GRIK4: variants seen among roughly 807,000 people sequenced by gnomAD.
GRIK4 encodes glutamate ionotropic receptor kainate type subunit 4, also known as glutamate receptor ionotropic, kainate 4.
In GRIK4, 40 loss-of-function variants were observed where a neutral mutation model predicts 104.9. The observed-to-expected ratio is 0.38, with a 90% confidence interval of 0.30 to 0.50. The LOEUF is 0.50. Among genes scored for constraint, GRIK4 ranks in the 20% least tolerant of loss-of-function variants. The pLI is 0.93. For synonymous variants in GRIK4, 485 were observed against 524.9 expected (o/e 0.92, Z 1.04); for missense variants, 1,047 against 1,308.1 (o/e 0.80, Z 3.08).
At chr11:120,580,537 G>A (rs1383941102) in intron 1 of GRIK4, among the ~76,000 whole-genome samples, 1 of 150,714 alleles carries the variant, frequency 6.6e-6, no homozygotes, top group East Asian at 1.9e-4. Context: ...AAAGTGCTGG[G>A]ATTACAGGTG....
At chr11:120,972,429 G>A (rs1401099480) in intron 19 of GRIK4, among the ~76,000 whole-genome samples, 11 of 152,192 alleles carry the variant, frequency 7.2e-5, no homozygotes, top group African/African-American at 1.9e-4. Context: ...CTTGGAGAGC[G>A]AGGTTTTTGA....
intron 2 of GRIK4, among the ~76,000 whole-genome samples, chr11:120,658,772 G>A (rs1298930431): frequency 1.9e-5 from 2 of 103,036 alleles, no homozygotes; most frequent in African/African-American, 7.4e-5. Context: ...TTTTTGAGAC[G>A]GAGTCTCGCT....
In GRIK4 at chr11:120,707,306, C is replaced by T. The variant is rs191647458; in HGVS notation, c.82+46906C>T. 7.2e-3 allele frequency among the ~76,000 whole-genome samples: 1,090 copies of T among 152,288 alleles called. 18 individuals are homozygous for T. The highest frequency in any genetic ancestry group is 0.025 in the African/African-American group (1,025 of 41,564). Reference sequence around the variant, plus strand: ...ACTGGCTGAGACTCACACTTGTGGCCGCCAGTCTGCCAGGCACAGCCAGTC... The same window carrying T: ...ACTGGCTGAGACTCACACTTGTGGCTGCCAGTCTGCCAGGCACAGCCAGTC... On this transcript the variant is annotated intron_variant, in intron 3 of 20. Transcript: ENST00000527524.
chr11:120,594,266 C>A (rs1248069515), intron 1 of GRIK4, among the ~76,000 whole-genome samples: 1 of 152,182 alleles, frequency 6.6e-6, no homozygotes, highest in East Asian at 1.9e-4. Flanking sequence ...TTGCTTGAAC[C>A]TAGGAGTTGA....
chr11:120,795,509 G>T (rs549805547), intron 3 of GRIK4, among the ~76,000 whole-genome samples: 6 of 152,220 alleles, frequency 3.9e-5, no homozygotes, highest in Non-Finnish European at 7.3e-5. Flanking sequence ...AAGACAAGCG[G>T]CCTTGAATTA....
At chr11:120,530,172 C>T (rs1490549947) in intron 1 of GRIK4, among the ~76,000 whole-genome samples, 1 of 152,216 alleles carries the variant, frequency 6.6e-6, no homozygotes, top group Non-Finnish European at 1.5e-5. Context: ...GCCCTGTGGT[C>T]CCAGGACATG....
In GRIK4 at chr11:120,905,188, C is replaced by T; in HGVS notation, c.1273-102C>T. Reference sequence around the variant, plus strand: ...ACCCACGTCAGTTTCCTCCTTCTGCCCCATGTCCTCCCCGACCCTCTGTGC... The same window carrying T: ...ACCCACGTCAGTTTCCTCCTTCTGCTCCATGTCCTCCCCGACCCTCTGTGC... On this transcript the variant is annotated intron_variant, in intron 12 of 20. Transcript: ENST00000527524. The surrounding 1 kb of genome is among the most constrained non-coding windows in gnomAD (Gnocchi z 5.1). The T allele has an allele frequency of 2.4e-6, 2 of 830,030 alleles. No homozygotes were observed. The highest frequency in any genetic ancestry group is 3.4e-5 in the Admixed American group (2 of 58,132). The allele number at this position is 830,030 out of a possible 1,614,324, so 51.4% of individuals were successfully genotyped here.
intron 3 of GRIK4, among the ~76,000 whole-genome samples, chr11:120,670,677 G>A (rs1950000781): frequency 6.6e-6 from 1 of 151,982 alleles, no homozygotes; most frequent in African/African-American, 2.4e-5. Flanking sequence ...GACACTTTCT[G>A]TCCTTCTCTG....
intron 3 of GRIK4, among the ~76,000 whole-genome samples, chr11:120,717,053 C>T (rs568444208): frequency 4.6e-5 from 7 of 152,266 alleles, no homozygotes; most frequent in Non-Finnish European, 8.8e-5. Context: ...AAGGATGCTG[C>T]GGCGGTGGCT....
intron 1 of GRIK4, among the ~76,000 whole-genome samples, chr11:120,578,823 T>G (rs559210959): frequency 6.6e-6 from 1 of 152,322 alleles, no homozygotes; most frequent in South Asian, 2.1e-4. Flanking sequence ...CTTCCTCACT[T>G]GGCTCATCTC....
chr11:120,563,010 G>A (rs1008375626), intron 1 of GRIK4, among the ~76,000 whole-genome samples: 4 of 152,166 alleles, frequency 2.6e-5, no homozygotes, highest in Non-Finnish European at 4.4e-5. Flanking sequence ...TGTGACTGCC[G>A]AGATGTCAGT....
intron 1 of GRIK4, among the ~76,000 whole-genome samples, chr11:120,628,913 G>A (rs1949296419): frequency 6.6e-6 from 1 of 152,202 alleles, no homozygotes; most frequent in Non-Finnish European, 1.5e-5. Context: ...TAAGCAAGCA[G>A]TACTTGCCTT....
intron 1 of GRIK4, among the ~76,000 whole-genome samples, chr11:120,631,013 A>G (rs1254388745): frequency 1.3e-5 from 2 of 152,200 alleles, no homozygotes; most frequent in Non-Finnish European, 2.9e-5. Flanking sequence ...TCTGTCATTT[A>G]CAAGCTGGGT....
intron 3 of GRIK4, among the ~76,000 whole-genome samples, chr11:120,726,762 G>A (rs1015807010): frequency 3.9e-4 from 60 of 152,238 alleles, no homozygotes; most frequent in African/African-American, 1.3e-3. Flanking sequence ...ATGCAGGCTG[G>A]GGATAAACAT....
chr11:120,678,780 C>T (rs1210859543), intron 3 of GRIK4, among the ~76,000 whole-genome samples: 3 of 151,944 alleles, frequency 2.0e-5, no homozygotes, highest in East Asian at 3.9e-4. Context: ...ATTACAGGTA[C>T]GTGCCACCAC....
intron 1 of GRIK4, among the ~76,000 whole-genome samples, chr11:120,648,223 T>C (rs1949569241): frequency 6.6e-6 from 1 of 152,182 alleles, no homozygotes; most frequent in African/African-American, 2.4e-5. Context: ...TAGCCTGACT[T>C]TGCCTGTGGT....
chr11:120,648,831 CAAACAGAA>C (rs760716543), intron 1 of GRIK4, among the ~76,000 whole-genome samples: 4 of 126,638 alleles, frequency 3.2e-5, no homozygotes, highest in Non-Finnish European at 6.9e-5. Context: ...AACAAACAAA[CAAACAGAA>C]AAACCAGTCT....
intron 1 of GRIK4, among the ~76,000 whole-genome samples, chr11:120,589,554 C>T (rs1948710595): frequency 6.6e-6 from 1 of 152,196 alleles, no homozygotes; most frequent in African/African-American, 2.4e-5. Context: ...GATGCAACTC[C>T]TGCAGGACAG....
At position 120,903,286 on chromosome 11, in the gene GRIK4, C is replaced by G. The variant is rs890902484; in HGVS notation, c.1273-2004C>G. Among the ~76,000 whole-genome samples the G allele has an allele frequency of 2.6e-5, 4 of 152,256 alleles. No homozygotes were observed. The highest frequency in any genetic ancestry group is 5.9e-5 in the Non-Finnish European group (4 of 68,014). ...GAGCCCAGCTCTCCTCTGTCCCTGT[C>G]GCATCCCCTGAGCGGCTCTGCTGAA... is the stretch of plus-strand genomic sequence containing the variant. On this transcript the variant is annotated intron_variant, in intron 12 of 20. Coordinates refer to ENST00000527524, the MANE Select transcript of GRIK4 (RefSeq NM_014619.5). This position sits in a 1 kb window ranked among gnomAD's most constrained non-coding sequence, Gnocchi z 4.4.
Sources: allele counts gnomAD v4.1 joint callset (sites outside exome capture counted in the v4.1 genomes callset), GRCh38; gene constraint gnomAD v4.1.1; non-coding constraint Gnocchi (gnomAD v3.1); transcripts MANE v1.5; gene names NCBI Gene and HGNC (gene_info 2026-07-23, HGNC 2026-07-21).